Variants in LRRTM3 observed in about 807,000 individuals in gnomAD.
LRRTM3 encodes the protein leucine-rich repeat transmembrane neuronal protein 3.
LRRTM3 carries 24 observed loss-of-function variants against 44.7 expected under a neutral mutation model. The ratio of observed to expected loss-of-function variants is 0.54; its 90% CI spans 0.39 to 0.76. The LOEUF is 0.76. LRRTM3 is among the 30% of genes least tolerant of loss of function. The pLI is 0.00. For missense variants in LRRTM3, 587 were observed against 702.2 expected (o/e 0.84, Z 1.85); for synonymous variants, 277 against 278.7 (o/e 0.99, Z 0.06).
chr10:67,053,068 T>C (rs1008318784), intron 2 of LRRTM3, among the ~76,000 whole-genome samples: 5 of 152,202 alleles, frequency 3.3e-5, no homozygotes, highest in African/African-American at 7.2e-5. Context: ...GCTAGAGCTA[T>C]ACCATCCCCT....
At chr10:67,076,974 C>A (rs534248898) in intron 2 of LRRTM3, among the ~76,000 whole-genome samples, 1 of 152,176 alleles carries the variant, frequency 6.6e-6, no homozygotes, top group Non-Finnish European at 1.5e-5. Context: ...CCACACTCAC[C>A]GCCAAAGCAA....
At chr10:67,012,579 C>T (rs1037753408) in intron 2 of LRRTM3, among the ~76,000 whole-genome samples, 1 of 152,084 alleles carries the variant, frequency 6.6e-6, no homozygotes, top group African/African-American at 2.4e-5. Context: ...AAACATAAAA[C>T]CTACTTGCTT....
chr10:67,081,321 A>G (rs1037875754), intron 2 of LRRTM3, among the ~76,000 whole-genome samples: 1 of 152,216 alleles, frequency 6.6e-6, no homozygotes, highest in African/African-American at 2.4e-5. Flanking sequence ...GTAGAAAAAG[A>G]AAGGACATGA....
At chr10:66,956,105 C>T (rs2132744799) in intron 2 of LRRTM3, among the ~76,000 whole-genome samples, 1 of 152,162 alleles carries the variant, frequency 6.6e-6, no homozygotes, top group Non-Finnish European at 1.5e-5. Flanking sequence ...TACCTGACCA[C>T]CCAAGGAAGA....
At chr10:67,088,829 TA>T (rs1260139440) in intron 2 of LRRTM3, among the ~76,000 whole-genome samples, 1 of 152,076 alleles carries the variant, frequency 6.6e-6, no homozygotes, top group African/African-American at 2.4e-5. Context: ...GTTCCTGCCT[TA>T]TTATCCTATA....
intron 2 of LRRTM3, among the ~76,000 whole-genome samples, chr10:67,053,053 C>T (rs996602969): frequency 2.6e-5 from 4 of 152,134 alleles, no homozygotes; most frequent in Non-Finnish European, 4.4e-5. Flanking sequence ...ATAACACATA[C>T]AAAAGCTAGA....
chr10:66,961,372 T>C (rs1849100990), intron 2 of LRRTM3, among the ~76,000 whole-genome samples: 1 of 152,158 alleles, frequency 6.6e-6, no homozygotes, highest in Admixed American at 6.5e-5. Flanking sequence ...TCCATCCTCC[T>C]CTTACTTGAA....
At chr10:66,951,018 G>A (rs756038931) in intron 2 of LRRTM3, among the ~76,000 whole-genome samples, 6 of 151,666 alleles carry the variant, frequency 4.0e-5, no homozygotes, top group Non-Finnish European at 8.8e-5. Flanking sequence ...TTAAATACAA[G>A]ACAAGTCATT....
At chr10:67,074,488 C>G (rs1461431786) in intron 2 of LRRTM3, among the ~76,000 whole-genome samples, 1 of 151,290 alleles carries the variant, frequency 6.6e-6, no homozygotes, top group African/African-American at 2.4e-5. Context: ...GTAGCTGGGA[C>G]TACAGGCGCC....
chr10:67,079,986 G>A (rs1856966221), intron 2 of LRRTM3, among the ~76,000 whole-genome samples: 1 of 152,050 alleles, frequency 6.6e-6, no homozygotes, highest in South Asian at 2.1e-4. Context: ...GTAGTTAGAG[G>A]AGGGTGGTTG....
chr10:66,978,800 A>G (rs1036080961), intron 2 of LRRTM3, among the ~76,000 whole-genome samples: 37 of 151,146 alleles, frequency 2.4e-4, no homozygotes, highest in Middle Eastern at 3.4e-3. Flanking sequence ...AAGGCCTGAC[A>G]TATGCAACAA....
At chr10:67,092,388 A>G (rs926941511) in intron 2 of LRRTM3, among the ~76,000 whole-genome samples, 6 of 151,980 alleles carry the variant, frequency 3.9e-5, no homozygotes, top group Admixed American at 6.6e-5. Context: ...GAAGGAAAAC[A>G]TGGCCTTTTT....
intron 2 of LRRTM3, among the ~76,000 whole-genome samples, chr10:66,997,904 C>T (rs1029354043): frequency 6.6e-6 from 1 of 152,148 alleles, no homozygotes; most frequent in Non-Finnish European, 1.5e-5. Context: ...GACCTATTGA[C>T]TCTTCCTCCT....
chr10:66,957,457 C>CAT (rs10532387), intron 2 of LRRTM3, among the ~76,000 whole-genome samples: 1 of 89,772 alleles, frequency 1.1e-5, no homozygotes, highest in African/African-American at 5.3e-5. Flanking sequence ...TATATATATG[C>CAT]ATATATATAT....
intron 2 of LRRTM3, among the ~76,000 whole-genome samples, chr10:67,069,661 G>A (rs2131843539): frequency 1.4e-5 from 2 of 145,804 alleles, no homozygotes; most frequent in East Asian, 4.1e-4. Context: ...ATGTCTATAA[G>A]TAGAATCACT....
In LRRTM3 at chr10:66,927,251, A is replaced by G. The variant is rs757467180; in HGVS notation, c.335A>G (p.Lys112Arg). ...ENAFNGIRRL[K>R]ELILSSNRIS... ...GCTTTTAATGGAATACGCAGACTCA[A>G]AGAGCTGATTCTTAGTTCCAATAGA... The change falls in exon 2 of 3, where the codon AAA becomes AGA. Residue 112 changes from lysine (K) to arginine (R), a missense_variant. Physicochemically the swap from Lys to Arg is conservative, Grantham distance 26. Around this residue, in one of 3 missense-constraint regions of LRRTM3, gnomAD observed 222 missense variants for 323.3 expected, o/e 0.69. Transcript: ENST00000361320. This position sits in a 1 kb window ranked among gnomAD's most constrained non-coding sequence, Gnocchi z 4.7. 43 of 1,614,038 alleles carry G rather than the reference A, an allele frequency of 2.7e-5. No individual in the cohort carries two copies. The Admixed American group carries it at 5.7e-4, about 21-fold the overall frequency.
intron 2 of LRRTM3, among the ~76,000 whole-genome samples, chr10:67,092,911 T>C (rs1857741687): frequency 6.6e-6 from 1 of 152,026 alleles, no homozygotes; most frequent in South Asian, 2.1e-4. Flanking sequence ...GGTCAGCTAC[T>C]ACTACTCATT....
chr10:66,938,205 G>A (rs1035653068), intron 2 of LRRTM3, among the ~76,000 whole-genome samples: 2 of 151,810 alleles, frequency 1.3e-5, no homozygotes, highest in Non-Finnish European at 2.9e-5. Context: ...TTTTCACTAT[G>A]TACACTCTTC....
At chr10:66,991,943 C>G (rs938446766) in intron 2 of LRRTM3, among the ~76,000 whole-genome samples, 1 of 152,154 alleles carries the variant, frequency 6.6e-6, no homozygotes, top group Admixed American at 6.6e-5. Flanking sequence ...ACCTTCATAC[C>G]TCCCCTTTCA....
Sources: allele counts gnomAD v4.1 joint callset (sites outside exome capture counted in the v4.1 genomes callset), GRCh38; gene constraint gnomAD v4.1.1; regional missense constraint gnomAD v4.1.1; non-coding constraint Gnocchi (gnomAD v3.1); transcripts MANE v1.5; gene names NCBI Gene and HGNC (gene_info 2026-07-23, HGNC 2026-07-21).